RAP1A: variants seen among roughly 807,000 people sequenced by gnomAD.
RAP1A encodes RAP1A, member of RAS oncogene family, also known as ras-related protein Rap-1A.
In RAP1A, 6 loss-of-function variants were observed where a neutral mutation model predicts 26.4. The ratio of observed to expected loss-of-function variants is 0.23; its 90% CI spans 0.12 to 0.45. The LOEUF is 0.45. Ranked by LOEUF, RAP1A falls within the 20% of genes least tolerant of loss-of-function variation. The probability of loss-of-function intolerance (pLI) is 0.99; values close to 1 mark genes in which losing one functional copy is unlikely to be tolerated. For missense variants in RAP1A, 121 were observed against 217.2 expected (o/e 0.56, Z 2.78); for synonymous variants, 73 against 79.4 (o/e 0.92, Z 0.43).
intron 6 of RAP1A, among the ~76,000 whole-genome samples, chr1:111,708,229 TA>T (rs1361748609): frequency 1.0e-4 from 13 of 130,126 alleles, no homozygotes; most frequent in Non-Finnish European, 1.8e-4. Flanking sequence ...AATCAAGGAT[TA>T]GCAGACTTTT....
At chr1:111,662,320 G>A (rs942702991) in intron 1 of RAP1A, among the ~76,000 whole-genome samples, 2 of 149,574 alleles carry the variant, frequency 1.3e-5, no homozygotes, top group East Asian at 2.0e-4. Flanking sequence ...GCGTGAATCC[G>A]GGAGGCGGAG....
chr1:111,548,047 G>A (rs1016285192), intron 1 of RAP1A, among the ~76,000 whole-genome samples: 1 of 152,150 alleles, frequency 6.6e-6, no homozygotes, highest in Non-Finnish European at 1.5e-5. Context: ...TTGAGACAGA[G>A]CCACACTCTG....
Position 111,708,305 on chromosome 1 carries a change from C to T in RAP1A, c.469-844C>T, listed in dbSNP as rs1049080174. ...GGCAAACAAAAATCATGCGCCTCCG[C>T]ATGTGATACCTTGAAAGGGAGACAG... On this transcript the variant is annotated intron_variant, in intron 6 of 7. Transcript: ENST00000369709. Among the ~76,000 whole-genome samples the T allele has an allele frequency of 4.9e-4, 75 of 152,192 alleles. 1 individual carries two copies. Among genetic ancestry groups the T allele is most frequent in the African/African-American group, 1.8e-3 (73 of 41,440 alleles).
intron 1 of RAP1A, among the ~76,000 whole-genome samples, chr1:111,686,887 A>G (rs908020415): frequency 1.3e-5 from 2 of 151,868 alleles, no homozygotes; most frequent in African/African-American, 4.8e-5. Context: ...TAACCTCTGA[A>G]TGAAATTCAG....
intron 3 of RAP1A, among the ~76,000 whole-genome samples, 198 bp downstream of exon 3, chr1:111,695,607 G>C (rs1661802826): frequency 6.6e-6 from 1 of 152,184 alleles, no homozygotes; most frequent in South Asian, 2.1e-4. Flanking sequence ...TTCTGTTACT[G>C]ATTAGTGACT....
Position 111,588,690 on chromosome 1 carries a change from T to A in RAP1A, c.-28+46181T>A, listed in dbSNP as rs572023325. Among the ~76,000 whole-genome samples, 7 of 152,310 alleles carry A rather than the reference T, an allele frequency of 4.6e-5. No individual in the cohort carries two copies. In the South Asian group the frequency reaches 1.5e-3, roughly 32 times the overall value. On this transcript the variant is annotated intron_variant, in intron 1 of 7. Transcript: ENST00000356415. ...CTGCTGAACATCCCTCTCAAGCATC[T>A]TTTCCCTAGGAAGCTTTAACTACTT...
chr1:111,640,094 A>G, intron 1 of RAP1A, among the ~76,000 whole-genome samples: 1 of 152,346 alleles, frequency 6.6e-6, no homozygotes. Context: ...GCATTAACTC[A>G]TTATCACTTA....
chr1:111,594,902 A>T (rs1430795133), intron 1 of RAP1A, among the ~76,000 whole-genome samples: 1 of 152,258 alleles, frequency 6.6e-6, no homozygotes, highest in Non-Finnish European at 1.5e-5. Flanking sequence ...AATATTAGCC[A>T]TAGTTCCAAC....
intron 1 of RAP1A, among the ~76,000 whole-genome samples, chr1:111,580,879 CA>C (rs949400608): frequency 6.8e-6 from 1 of 147,870 alleles, no homozygotes; most frequent in African/African-American, 2.5e-5. Flanking sequence ...AAAAAAACAA[CA>C]AAAAACAGAA....
intron 1 of RAP1A, among the ~76,000 whole-genome samples, chr1:111,566,989 T>C (rs1657931525): frequency 1.3e-5 from 2 of 152,078 alleles, no homozygotes; most frequent in African/African-American, 4.8e-5. Flanking sequence ...CACTTAAGCT[T>C]CATTAGCGTC....
intron 1 of RAP1A, among the ~76,000 whole-genome samples, chr1:111,655,134 T>G (rs1257388725): frequency 3.9e-5 from 6 of 151,986 alleles, no homozygotes; most frequent in Non-Finnish European, 8.8e-5. Context: ...AGTCTTTTGC[T>G]TTAATCCACT....
chr1:111,645,867 G>T (rs138675589), intron 1 of RAP1A, among the ~76,000 whole-genome samples: 2 of 152,276 alleles, frequency 1.3e-5, no homozygotes, highest in South Asian at 2.1e-4. Context: ...CCTTGGAGTC[G>T]TGGGTTAGGA....
chr1:111,572,029 A>C lies in RAP1A; in HGVS notation c.-28+29520A>C, dbSNP rs534863480. 5.1e-4 allele frequency among the ~76,000 whole-genome samples: 78 copies of C among 152,260 alleles called. 1 individual carries two copies. The highest frequency in any genetic ancestry group is 9.3e-4 in the Non-Finnish European group (63 of 68,010). On this transcript the variant is annotated intron_variant, in intron 1 of 7. Coordinates refer to the RAP1A transcript ENST00000356415. ...GCACAGTGCCCTTGGCACCTCCTGCAGCTGAGAAACCTGCTATTTCCATAT... is the reference window on the plus strand; with the variant it reads ...GCACAGTGCCCTTGGCACCTCCTGCCGCTGAGAAACCTGCTATTTCCATAT...
intron 1 of RAP1A, among the ~76,000 whole-genome samples, chr1:111,565,395 C>T (rs186945220): frequency 3.3e-5 from 5 of 152,288 alleles, no homozygotes; most frequent in Non-Finnish European, 4.4e-5. Flanking sequence ...AAGACAAAGG[C>T]GTTACTGTCA....
At chr1:111,618,856 C>T (rs767356672), upstream of RAP1A, among the ~76,000 whole-genome samples, 4 of 152,134 alleles carry the variant, frequency 2.6e-5, no homozygotes, top group Non-Finnish European at 5.9e-5. Context: ...GCCTTCTTCT[C>T]ATCCTGTCCG....
chr1:111,583,625 G>A (rs1658305369), intron 1 of RAP1A, among the ~76,000 whole-genome samples: 1 of 151,958 alleles, frequency 6.6e-6, no homozygotes, highest in Non-Finnish European at 1.5e-5. Flanking sequence ...GCATAAAATT[G>A]TTTAAAATAG....
rs1248423235 is a variant in RAP1A at position 111,713,401 on chromosome 1, T to A, written c.*1000T>A. ...TCTTATTGAATATCCCACTGTATATTATTTTTATATGTAAAAAGATAAGTT... is the reference window on the plus strand; with the variant it reads ...TCTTATTGAATATCCCACTGTATATAATTTTTATATGTAAAAAGATAAGTT... On this transcript the variant is annotated 3_prime_UTR_variant, in exon 8 of 8. Transcript: ENST00000369709. 6.6e-6 allele frequency: 1 copy of A among 152,230 alleles called. No homozygotes were observed. Among genetic ancestry groups the A allele is most frequent in the Non-Finnish European group, 1.5e-5 (1 of 68,020 alleles). 9.4% of individuals were successfully genotyped at this position (152,230 alleles called of 1,614,324 possible). A position where few individuals can be genotyped will look rare whatever the true frequency, so the allele number is the denominator to read the frequency against.
chr1:111,542,271 G>A (rs1285551489), exon 1 of RAP1A: 3 of 601,934 alleles, frequency 5.0e-6, no homozygotes, highest in Non-Finnish European at 9.3e-6. Context: ...CCGTATTTCA[G>A]GATCAGACCT....
chr1:111,648,480 G>A (rs1390661422), intron 1 of RAP1A: 48 of 546,834 alleles, frequency 8.8e-5, no homozygotes, highest in African/African-American at 1.9e-5. Flanking sequence ...TTGATATTCA[G>A]CAGGGCCTCG....
Sources: allele counts gnomAD v4.1 joint callset (sites outside exome capture counted in the v4.1 genomes callset), GRCh38; gene constraint gnomAD v4.1.1; transcripts MANE v1.5; gene names NCBI Gene and HGNC (gene_info 2026-07-23, HGNC 2026-07-21).